The following RNF175 variants were observed in gnomAD, a reference collection of about 807,000 sequenced individuals.
RNF175 encodes the protein ring finger protein 175.
A neutral mutation model predicts 50.0 loss-of-function variants in RNF175; 38 were observed. That is an observed-to-expected ratio of 0.76 (90% CI 0.59 to 1.00). The LOEUF is 1.00. Among genes scored for constraint, RNF175 ranks in the 50% least tolerant of loss-of-function variants. The pLI is 0.00. For missense variants in RNF175, 388 were observed against 409.6 expected, an observed-to-expected ratio of 0.95 and a Z score of 0.46; for synonymous variants, 155 against 146.1, an observed-to-expected ratio of 1.06 and a Z score of -0.44.
At chr4:153,721,081 T>G (rs1304686368) in intron 5 of RNF175, among the ~76,000 whole-genome samples, 3 of 152,076 alleles carry the variant, frequency 2.0e-5, no homozygotes, top group African/African-American at 7.2e-5. Flanking sequence ...TGCTATGTAT[T>G]AACTGAAAAA....
intron 3 of RNF175, among the ~76,000 whole-genome samples, chr4:153,732,343 A>G (rs1739091417): frequency 6.6e-6 from 1 of 152,144 alleles, no homozygotes; most frequent in Admixed American, 6.5e-5. Context: ...CACTTTTTTT[A>G]ATCTCCACAT....
intron 6 of RNF175, among the ~76,000 whole-genome samples, chr4:153,718,217 TGTTTGTTTGTTTG>T (rs1738077043): frequency 1.2e-4 from 5 of 42,436 alleles, no homozygotes; most frequent in African/African-American, 3.3e-4. Flanking sequence ...GAGTTTTTTT[TGTTTGTTTGTTTG>T]TTTGTTTGTT....
At chr4:153,734,557 A>G (rs1739231730) in intron 3 of RNF175, among the ~76,000 whole-genome samples, 1 of 151,450 alleles carries the variant, frequency 6.6e-6, no homozygotes, top group South Asian at 2.1e-4. Context: ...GCCATTTTTA[A>G]TGAGTTGTTT....
At chr4:153,751,823 T>G (rs1253509787) in intron 1 of RNF175, among the ~76,000 whole-genome samples, 1 of 152,188 alleles carries the variant, frequency 6.6e-6, no homozygotes, top group African/African-American at 2.4e-5. Context: ...GAAGTGTGAG[T>G]CTGAGCATCC....
intron 3 of RNF175, among the ~76,000 whole-genome samples, chr4:153,736,014 G>C (rs1034448052): frequency 1.3e-5 from 2 of 152,176 alleles, no homozygotes; most frequent in African/African-American, 4.8e-5. Context: ...TGTTGAATAG[G>C]AGTGGTGAGA....
intron 4 of RNF175, chr4:153,727,653 A>G (rs12499236): frequency 0.61 from 92,103 of 152,072 alleles, 29,194 homozygotes; most frequent in Non-Finnish European, 0.7. Flanking sequence ...GCCTGTGGGC[A>G]CAGTATGTGA....
chr4:153,748,843 AAAAAAACAAAAAAC>A (rs374019423), intron 2 of RNF175, 57 bp from the exon 3 acceptor site: 1 of 1,487,092 alleles, frequency 6.7e-7, no homozygotes, highest in African/African-American at 1.4e-5. Flanking sequence ...GCATTTAGCA[AAAAAAACAAAAAAC>A]AAAAAACAAA....
chr4:153,720,472 G>A, intron 5 of RNF175, 168 bp from the exon 6 acceptor site: 1 of 577,402 alleles, frequency 1.7e-6, no homozygotes, highest in Non-Finnish European at 3.0e-6. Context: ...AAAATCCTCT[G>A]AATTTCCCTC....
intron 3 of RNF175, among the ~76,000 whole-genome samples, chr4:153,737,397 T>C (rs1739408243): frequency 6.6e-6 from 1 of 152,090 alleles, no homozygotes; most frequent in Non-Finnish European, 1.5e-5. Flanking sequence ...CAGGTGGATT[T>C]TTAGATTATT....
chr4:153,748,501 T>C, intron 3 of RNF175, 144 bp downstream of exon 3: 1 of 612,214 alleles, frequency 1.6e-6, no homozygotes, highest in Non-Finnish European at 2.5e-6. Flanking sequence ...CTCCTGGGAG[T>C]GAAATTGCAC....
In RNF175 at chr4:153,715,586, A is replaced by T. The variant is rs1223713949; in HGVS notation, c.707T>A (p.Val236Glu). ...ICAVCGQKIIVELDEEGLIEN... is the reference protein window; with the variant it reads ...ICAVCGQKIIEELDEEGLIEN... ...AATGAGCCCTTCTTCATCAAGCTCC[A>T]CAATGATCTTCTGCCCACAGACTGC... Residue 236 changes from valine to glutamate, a missense_variant, in exon 7 of 9, where the codon GTG (valine) becomes GAG (glutamate). Val to Glu is a moderately radical substitution (Grantham distance 121). Coordinates refer to ENST00000347063, the MANE Select transcript of RNF175 (RefSeq NM_173662.4). 1 of 1,613,666 alleles carries T rather than the reference A, an allele frequency of 6.2e-7. No homozygotes were observed. The highest frequency in any genetic ancestry group is 1.7e-5 in the Admixed American group (1 of 59,966).
intron 1 of RNF175, among the ~76,000 whole-genome samples, chr4:153,757,625 G>A (rs1488068904): frequency 6.6e-6 from 1 of 152,122 alleles, no homozygotes; most frequent in Admixed American, 6.5e-5. Context: ...AGGAGGGGCT[G>A]TGTATGGCCT....
chr4:153,737,770 C>G (rs899632039), intron 3 of RNF175, among the ~76,000 whole-genome samples: 8 of 146,320 alleles, frequency 5.5e-5, no homozygotes, highest in African/African-American at 1.9e-4. Flanking sequence ...AGAATATATA[C>G]TCTGTTGTTG....
Position 153,715,624 on chromosome 4 carries a change from C to T in RNF175, c.669G>A (p.Ser223=), listed in dbSNP as rs373769539. 50 of 1,613,764 alleles carry T rather than the reference C, an allele frequency of 3.1e-5. No homozygotes were observed. The highest frequency in any genetic ancestry group is 5.3e-5 in the African/African-American group (4 of 74,904). Residue 223 remains serine, a synonymous_variant, in exon 7 of 9, where the codon TCG becomes TCA. Coordinates refer to ENST00000347063, the MANE Select transcript of RNF175 (RefSeq NM_173662.4). ...SVSRLPTRSL[S]DNICAVCGQK... ...GCCCACAGACTGCACAGATATTGTC[C>T]GATAAGCTCCTTGTAGGCAACCGGC...
At chr4:153,738,350 A>ATT (rs372942042) in intron 3 of RNF175, among the ~76,000 whole-genome samples, 86 of 145,512 alleles carry the variant, frequency 5.9e-4, no homozygotes, top group Middle Eastern at 3.7e-3. Flanking sequence ...CATCTGGCTA[A>ATT]TTTTTTTTTT....
intron 3 of RNF175, 80 bp from the exon 4 acceptor site, chr4:153,728,441 C>T: frequency 8.1e-7 from 1 of 1,234,842 alleles, no homozygotes; most frequent in Non-Finnish European, 1.2e-6. Flanking sequence ...GAGTCTGAAG[C>T]ATTGCTGGGA....
chr4:153,710,208 A>T lies in RNF175; in HGVS notation c.*161T>A, dbSNP rs1351730974. ...GCTTTATTTGTTTATTCCATTGTTC[A>T]GCTTCTCTTTAAATTCTTTCCACAT... On this transcript the variant is annotated 3_prime_UTR_variant, in exon 9 of 9. Coordinates refer to ENST00000347063, the MANE Select transcript of RNF175 (RefSeq NM_173662.4). The T allele has an allele frequency of 1.8e-6, 1 of 549,822 alleles. No individual in the cohort carries two copies. Among genetic ancestry groups the T allele is most frequent in the South Asian group, 3.0e-5 (1 of 33,350 alleles). The allele number at this position is 549,822 out of a possible 1,614,324, so 34.1% of individuals were successfully genotyped here.
At chr4:153,728,132 A>C in intron 4 of RNF175, 75 bp downstream of exon 4, 1 of 1,177,036 alleles carries the variant, frequency 8.5e-7, no homozygotes, top group African/African-American at 1.6e-5. Context: ...CCAACCCAGG[A>C]AAATGGCAAT....
intron 1 of RNF175, among the ~76,000 whole-genome samples, chr4:153,758,084 G>A (rs1174400274): frequency 2.6e-5 from 4 of 152,114 alleles, no homozygotes; most frequent in African/African-American, 9.7e-5. Context: ...TACACACATA[G>A]ACATACTTCA....
Sources: gnomAD v4.1 joint callset for allele counts (sites outside exome capture counted in the v4.1 genomes callset) on GRCh38, gnomAD v4.1.1 for gene constraint, MANE v1.5 for transcripts, NCBI Gene and HGNC (gene_info 2026-07-23, HGNC 2026-07-21) for gene names.